The following E2F6 variants were observed in gnomAD, a reference collection of about 807,000 sequenced individuals.
E2F6 encodes E2F transcription factor 6, also known as transcription factor E2F6.
Under a neutral mutation model 31.5 loss-of-function variants are expected in E2F6, and 19 were observed. The ratio of observed to expected loss-of-function variants is 0.60; its 90% CI spans 0.42 to 0.89. The LOEUF is 0.89. Among genes scored for constraint, E2F6 ranks in the 40% least tolerant of loss-of-function variants. E2F6 has a pLI of 0.00. For missense variants in E2F6, 269 were observed against 341.6 expected (o/e 0.79, Z 1.67); for synonymous variants, 121 against 127.7 (o/e 0.95, Z 0.36).
At chr2:11,449,960 C>A in intron 5 of E2F6, 52 bp downstream of exon 5, 1 of 1,393,144 alleles carries the variant, frequency 7.2e-7, no homozygotes, top group Non-Finnish European at 1.0e-6. Context: ...ACAGCCTAAG[C>A]AGTCGGCCCT....
Position 11,465,927 on chromosome 2 carries a change from C to G in E2F6, c.-48G>C. ...TCCCCTCGCACCCCACGAGCTCTCCCGCCCTCTCGCGCTCAGCTCGAGCAC... is the reference window on the plus strand; with the variant it reads ...TCCCCTCGCACCCCACGAGCTCTCCGGCCCTCTCGCGCTCAGCTCGAGCAC... On this transcript the variant is annotated 5_prime_UTR_variant, in exon 1 of 7. Coordinates refer to ENST00000381525, the MANE Select transcript of E2F6 (RefSeq NM_198256.4). 1 of 1,450,900 alleles carries G rather than the reference C, an allele frequency of 6.9e-7. No homozygotes were observed. Among genetic ancestry groups the G allele is most frequent in the South Asian group, 1.4e-5 (1 of 73,884 alleles). 89.9% of individuals were successfully genotyped at this position (1,450,900 alleles called of 1,614,324 possible).
chr2:11,449,669 T>C (rs1157562676), intron 5 of E2F6, among the ~76,000 whole-genome samples: 8 of 152,326 alleles, frequency 5.3e-5, no homozygotes, highest in East Asian at 1.9e-4. Flanking sequence ...GACCTTACTT[T>C]TGCAACTTTA....
intron 5 of E2F6, 38 bp downstream of exon 5, chr2:11,449,973 TC>T: frequency 6.6e-7 from 1 of 1,521,020 alleles, no homozygotes; most frequent in Non-Finnish European, 9.1e-7. Flanking sequence ...TCGGCCCTCA[TC>T]CCTCTTTAAA....
chr2:11,461,543 G>A (rs947682662), intron 1 of E2F6, among the ~76,000 whole-genome samples: 9 of 152,072 alleles, frequency 5.9e-5, no homozygotes, highest in Admixed American at 4.6e-4. Flanking sequence ...AGTAGAAACG[G>A]GGTTTCACCA....
chr2:11,460,303 T>C (rs1671695737), intron 1 of E2F6, among the ~76,000 whole-genome samples: 1 of 69,092 alleles, frequency 1.4e-5, no homozygotes, highest in Non-Finnish European at 2.8e-5. Context: ...TTCTCACCCA[T>C]TCAAATTTTC....
intron 1 of E2F6, among the ~76,000 whole-genome samples, chr2:11,465,252 G>A (rs1414663812): frequency 6.6e-6 from 1 of 151,108 alleles, no homozygotes; most frequent in Admixed American, 6.6e-5. Flanking sequence ...CCTGATAACC[G>A]CGGGGAATAC....
In E2F6 at chr2:11,451,631, G is replaced by A. The variant is rs771360552; in HGVS notation, c.536+20C>T. ...GTTTTGGAAGCAGAAATTTTAAAAA[G>A]GTATAGACTTAAAGGATATCTTTCA... On this transcript the variant is annotated intron_variant, in intron 4 of 6. Coordinates refer to ENST00000381525, the MANE Select transcript of E2F6 (RefSeq NM_198256.4). The A allele has an allele frequency of 6.3e-7, 1 of 1,599,004 alleles. No individual in the cohort carries two copies. The highest frequency in any genetic ancestry group is 8.5e-7 in the Non-Finnish European group (1 of 1,173,938).
At chr2:11,465,122 G>C (rs1257419298) in intron 1 of E2F6, among the ~76,000 whole-genome samples, 2 of 142,398 alleles carry the variant, frequency 1.4e-5, no homozygotes, top group African/African-American at 5.2e-5. Context: ...GGGTTGCAGT[G>C]AGCTGAGATT....
At chr2:11,446,826 T>C (rs1670747307) in intron 6 of E2F6, among the ~76,000 whole-genome samples, 1 of 152,222 alleles carries the variant, frequency 6.6e-6, no homozygotes, top group Admixed American at 6.5e-5. Context: ...GTAATCCTTG[T>C]GTCTTTGTGC....
At chr2:11,453,517 T>C in intron 3 of E2F6, 65 bp downstream of exon 3, 1 of 1,438,068 alleles carries the variant, frequency 7.0e-7, no homozygotes, top group East Asian at 2.3e-5. Flanking sequence ...CTATCTAGTT[T>C]AAGCATGGAA....
chr2:11,458,210 A>C (rs918337084), intron 1 of E2F6: 11 of 1,523,078 alleles, frequency 7.2e-6, no homozygotes, highest in Non-Finnish European at 9.8e-6. Context: ...AACTGGGGCA[A>C]GTGAATTCAT....
At chr2:11,465,052 C>G (rs888315388) in intron 1 of E2F6, among the ~76,000 whole-genome samples, 4 of 151,600 alleles carry the variant, frequency 2.6e-5, no homozygotes, top group African/African-American at 9.7e-5. Flanking sequence ...GTGGCGCATG[C>G]CTGTGATCCC....
rs936247872 is a variant in E2F6, at chr2:11,466,117, T to C, written c.-238A>G. The C allele has an allele frequency of 4.2e-6, 2 of 478,190 alleles. No individual in the cohort carries two copies. The highest frequency in any genetic ancestry group is 7.3e-6 in the Non-Finnish European group (2 of 272,604). 29.6% of individuals were successfully genotyped at this position (478,190 alleles called of 1,614,324 possible). On this transcript the variant is annotated 5_prime_UTR_variant, in exon 1 of 7. Transcript: ENST00000381525. Reference sequence around the variant, plus strand: ...GAAAAAGAGGAGGGAGACCCGCGGATCTCAAGTCGCCCGGCCCGCCATCTT... The same window carrying C: ...GAAAAAGAGGAGGGAGACCCGCGGACCTCAAGTCGCCCGGCCCGCCATCTT...
chr2:11,447,664 A>T lies in E2F6; in HGVS notation c.762T>A (p.Ser254=). The change falls in exon 6 of 7, where the codon TCT becomes TCA. Residue 254 remains serine (S), a synonymous_variant. Coordinates refer to ENST00000381525, the MANE Select transcript of E2F6 (RefSeq NM_198256.4). The part of the protein sequence containing the change: ...SNKRSEGVGT[S]SSESTHPEGP... ...CTTCTGGATGAGTGCTCTCAGATGA[A>T]GAGGTCCCGACACCTTCAGACCTTT... 2 of 1,612,008 alleles carry T rather than the reference A, an allele frequency of 1.2e-6. No individual in the cohort carries two copies. Among genetic ancestry groups the T allele is most frequent in the South Asian group, 2.2e-5 (2 of 90,984 alleles).
intron 3 of E2F6, among the ~76,000 whole-genome samples, chr2:11,452,839 C>A (rs1572496520): frequency 6.6e-6 from 1 of 152,174 alleles, no homozygotes. Flanking sequence ...ATTTAGTAAA[C>A]ATGCTCAAAT....
intron 1 of E2F6, among the ~76,000 whole-genome samples, chr2:11,461,769 G>C (rs77709582): frequency 0.01 from 1,553 of 152,314 alleles, 4 homozygotes; most frequent in Middle Eastern, 0.031. Flanking sequence ...GGCACACTTA[G>C]AAACTTTTAG....
intron 1 of E2F6, among the ~76,000 whole-genome samples, chr2:11,459,488 GT>G (rs748972268): frequency 1.3e-5 from 2 of 151,384 alleles, no homozygotes; most frequent in South Asian, 4.2e-4. Context: ...GCATTCATTT[GT>G]TTTTTTTTCC....
intron 1 of E2F6, among the ~76,000 whole-genome samples, chr2:11,462,025 C>T (rs1442336651): frequency 2.0e-5 from 3 of 152,234 alleles, no homozygotes; most frequent in African/African-American, 7.2e-5. Context: ...TTCCAGTGCT[C>T]TCTCTACTAT....
At position 11,457,162 on chromosome 2, in the gene E2F6, T is replaced by C; in HGVS notation, c.163+17A>G. 1 of 1,533,900 alleles carries C rather than the reference T, an allele frequency of 6.5e-7. No homozygotes were observed. Among genetic ancestry groups the C allele is most frequent in the Admixed American group, 1.7e-5 (1 of 58,418 alleles). On this transcript the variant is annotated intron_variant, in intron 2 of 6. Coordinates refer to ENST00000381525, the MANE Select transcript of E2F6 (RefSeq NM_198256.4). ...TCAAACTAACAAAACCTAAAACCTA[T>C]TCAGGAATCAACTTACTTCTCATGG... is the stretch of plus-strand genomic sequence containing the variant.
Sources: allele counts gnomAD v4.1 joint callset (sites outside exome capture counted in the v4.1 genomes callset), GRCh38; gene constraint gnomAD v4.1.1; transcripts MANE v1.5; gene names NCBI Gene and HGNC (gene_info 2026-07-23, HGNC 2026-07-21).